SLIT1: variants seen among roughly 807,000 people sequenced by gnomAD.
SLIT1 encodes the protein slit homolog 1 protein.
Under a neutral mutation model 186.1 loss-of-function variants are expected in SLIT1, and 66 were observed. That is an observed-to-expected ratio of 0.35 (90% CI 0.29 to 0.44). The LOEUF (loss-of-function observed/expected upper bound fraction) is 0.44, where lower values mean the gene tolerates loss of function less well. Among genes scored for constraint, SLIT1 ranks in the 20% least tolerant of loss-of-function variants. The probability of loss-of-function intolerance (pLI) is 1.00; values close to 1 mark genes in which losing one functional copy is unlikely to be tolerated. For synonymous variants in SLIT1, 761 were observed against 833.8 expected (o/e 0.91, Z 1.50); for missense variants, 1,638 against 2,037.4 (o/e 0.80, Z 3.77).
chr10:97,147,481 C>T (rs962917479), intron 4 of SLIT1, among the ~76,000 whole-genome samples: 8 of 152,096 alleles, frequency 5.3e-5, no homozygotes, highest in African/African-American at 1.9e-4. Context: ...AAAGAGGGCA[C>T]TGGGGAGGCA....
rs190883090 is a variant in SLIT1 at position 97,019,004 on chromosome 10, G to A, written c.2850C>T (p.Cys950=). The change falls in exon 27 of 37, where the codon TGC becomes TGT. Residue 950 remains cysteine (C), a synonymous_variant. Transcript: ENST00000266058. ...CHNDPLEVYR[C]ACPSGYKGRD... ...TCACCTTATAGCCGCTGGGGCAGGC[G>A]CACCTGTACACCTCAAGGGGGTCGT... is the stretch of plus-strand genomic sequence containing the variant. 46 of 1,612,108 alleles carry A rather than the reference G, an allele frequency of 2.9e-5. No homozygotes were observed. The highest frequency in any genetic ancestry group is 8.3e-5 in the Admixed American group (5 of 59,970).
intron 23 of SLIT1, among the ~76,000 whole-genome samples, chr10:97,033,441 A>G (rs1848609530): frequency 6.6e-6 from 1 of 152,150 alleles, no homozygotes; most frequent in Admixed American, 6.5e-5. Flanking sequence ...TAAATATCTT[A>G]GAATATGGCC....
intron 4 of SLIT1, among the ~76,000 whole-genome samples, chr10:97,140,113 G>C (rs1849742611): frequency 6.6e-6 from 1 of 152,098 alleles, no homozygotes; most frequent in South Asian, 2.1e-4. Flanking sequence ...CTGGGAGTGG[G>C]AACATCTCTG....
chr10:97,052,824 T>C (rs898670838), intron 13 of SLIT1, among the ~76,000 whole-genome samples: 1 of 152,192 alleles, frequency 6.6e-6, no homozygotes, highest in Admixed American at 6.5e-5. Flanking sequence ...CCACTTGAGG[T>C]TGTAATAATA....
chr10:97,098,882 G>A (rs534860269), intron 4 of SLIT1, among the ~76,000 whole-genome samples: 11 of 152,322 alleles, frequency 7.2e-5, no homozygotes, highest in African/African-American at 2.4e-4. Flanking sequence ...GGAGTATCAC[G>A]TGGCTGTCAG....
chr10:97,120,278 A>G (rs1481805076), intron 4 of SLIT1, among the ~76,000 whole-genome samples: 1 of 152,064 alleles, frequency 6.6e-6, no homozygotes, highest in Non-Finnish European at 1.5e-5. Context: ...CCAGCTGCCC[A>G]AATGAGACCC....
Position 97,004,202 on chromosome 10 carries a change from C to T in SLIT1, c.3731G>A (p.Gly1244Glu). The T allele has an allele frequency of 6.2e-7, 1 of 1,610,418 alleles. No homozygotes were observed. Among genetic ancestry groups the T allele is most frequent in the Non-Finnish European group, 8.5e-7 (1 of 1,176,866 alleles). The change falls in exon 34 of 37, where the codon GGG becomes GAG. Residue 1244 changes from glycine to glutamate, a missense_variant. Physicochemically the swap from Gly to Glu is moderately conservative, Grantham distance 98. Transcript: ENST00000266058. The surrounding 1 kb of genome is among the most constrained non-coding windows in gnomAD (Gnocchi z 5.1). Reference sequence around the variant, plus strand: ...AACCAGCTCAACGGTGTGGAATTGCCCATCGTTGATCGTCTCAGCACTGGA... The same window carrying T: ...AACCAGCTCAACGGTGTGGAATTGCTCATCGTTGATCGTCTCAGCACTGGA... ...AIYSAETIND[G>E]QFHTVELVAF...
At chr10:97,023,474 G>T (rs908518050) in intron 25 of SLIT1, among the ~76,000 whole-genome samples, 1 of 152,070 alleles carries the variant, frequency 6.6e-6, no homozygotes, top group Non-Finnish European at 1.5e-5. Context: ...AACTGCAAAG[G>T]TTGTATCCAC....
chr10:97,156,291 AG>A (rs1849951024), intron 4 of SLIT1, among the ~76,000 whole-genome samples: 1 of 152,212 alleles, frequency 6.6e-6, no homozygotes, highest in Non-Finnish European at 1.5e-5. Flanking sequence ...TAAAGACAAA[AG>A]CTTGGCCAGG....
rs989945019 is a variant in SLIT1, at chr10:97,021,735, G to A, written c.2583-322C>T. Among the ~76,000 whole-genome samples the A allele has an allele frequency of 2.3e-4, 35 of 152,014 alleles. No homozygotes were observed. The highest frequency in any genetic ancestry group is 8.5e-4 in the African/African-American group (35 of 41,388). ...ACACCGCCATGCACAGCTAATTTTT[G>A]TATTTTTAGTAGAGACGGGGTTTCA... On this transcript the variant is annotated intron_variant, in intron 25 of 36. Transcript: ENST00000266058. This position sits in a 1 kb window ranked among gnomAD's most constrained non-coding sequence, Gnocchi z 4.5.
intron 4 of SLIT1, among the ~76,000 whole-genome samples, chr10:97,070,988 C>T (rs1031961528): frequency 3.3e-5 from 5 of 152,132 alleles, no homozygotes; most frequent in East Asian, 1.9e-4. Flanking sequence ...AGATGCTCTA[C>T]GGGTGGAGAC....
intron 1 of SLIT1, among the ~76,000 whole-genome samples, chr10:97,182,602 C>G (rs1162936816): frequency 6.6e-6 from 1 of 152,232 alleles, no homozygotes; most frequent in South Asian, 2.1e-4. Flanking sequence ...AAGATCAGAC[C>G]TGCTCCACTT....
intron 1 of SLIT1, among the ~76,000 whole-genome samples, chr10:97,173,746 G>A (rs986149618): frequency 1.3e-5 from 2 of 152,094 alleles, no homozygotes; most frequent in Non-Finnish European, 2.9e-5. Flanking sequence ...ATCCCTGAGC[G>A]CAGCTGCAAG....
chr10:97,036,549 G>A (rs185927268), intron 22 of SLIT1, among the ~76,000 whole-genome samples: 8 of 152,200 alleles, frequency 5.3e-5, no homozygotes, highest in Admixed American at 1.3e-4. Flanking sequence ...CTTAGTTTAC[G>A]CGAACATTGT....
intron 4 of SLIT1, among the ~76,000 whole-genome samples, chr10:97,066,410 G>A (rs1848946906): frequency 6.6e-6 from 1 of 152,206 alleles, no homozygotes; most frequent in Non-Finnish European, 1.5e-5. Context: ...GACCCCACCT[G>A]ATGTAGTTTG....
At chr10:97,016,140 C>G (rs941940314) in intron 28 of SLIT1, among the ~76,000 whole-genome samples, 5 of 152,060 alleles carry the variant, frequency 3.3e-5, no homozygotes, top group African/African-American at 1.2e-4. Flanking sequence ...GAAACCCCGT[C>G]TCTACTAAAA....
chr10:97,011,853 G>T (rs1052146794), intron 30 of SLIT1, among the ~76,000 whole-genome samples: 1 of 151,996 alleles, frequency 6.6e-6, no homozygotes, highest in African/African-American at 2.4e-5. Flanking sequence ...ACCGTCTCCT[G>T]TCTGCCTGCA....
Position 97,043,288 on chromosome 10 carries a change from A to G in SLIT1, c.1997+82T>C. ...ACGAAGACCCAGCACCCCCAGGGTG[A>G]GCTCTTTCAAAGTGGCTGGCCGAGA... On this transcript the variant is annotated intron_variant, in intron 19 of 36. Transcript: ENST00000266058. The surrounding 1 kb of genome is among the most constrained non-coding windows in gnomAD (Gnocchi z 7.0). 1 of 1,550,300 alleles carries G rather than the reference A, an allele frequency of 6.5e-7. No individual in the cohort carries two copies. Among genetic ancestry groups the G allele is most frequent in the Non-Finnish European group, 8.9e-7 (1 of 1,128,146 alleles).
chr10:97,002,228 G>T lies in SLIT1; in HGVS notation c.4296C>A (p.Cys1432Ter), dbSNP rs1225795205. 1 of 1,589,802 alleles carries T rather than the reference G, an allele frequency of 6.3e-7. No individual in the cohort carries two copies. The highest frequency in any genetic ancestry group is 8.6e-7 in the Non-Finnish European group (1 of 1,166,268). ...CRGLQCLHGHCQASGTKGAHC... is the reference protein window; with the variant it reads ...CRGLQCLHGH The stretch of plus-strand genomic sequence containing the variant: ...GTGCCCCCTTGGTGCCTGAGGCCTG[G>T]CAGTGGCCATGCAGGCACTGCAGGC... Residue 1432 changes from cysteine to a stop codon, truncating the protein, a stop_gained, in exon 36 of 37, where the codon TGC (cysteine) becomes TGA (stop). Transcript: ENST00000266058. LOFTEE classifies it high-confidence loss of function.
Sources: gnomAD v4.1 joint callset for allele counts (sites outside exome capture counted in the v4.1 genomes callset) on GRCh38, gnomAD v4.1.1 for gene constraint, Gnocchi (gnomAD v3.1) non-coding constraint, MANE v1.5 for transcripts, NCBI Gene and HGNC (gene_info 2026-07-23, HGNC 2026-07-21) for gene names.